Variants in DIAPH2 observed in about 807,000 individuals in gnomAD.
DIAPH2 encodes the protein protein diaphanous homolog 2.
In DIAPH2, 35 loss-of-function variants were observed where a neutral mutation model predicts 92.7. That is an observed-to-expected ratio of 0.38 (90% CI 0.29 to 0.50). The LOEUF (loss-of-function observed/expected upper bound fraction) is 0.50. Among genes scored for constraint, DIAPH2 ranks in the 20% least tolerant of loss-of-function variants. The pLI is 0.94. For missense variants in DIAPH2, 701 were observed against 819.5 expected (o/e 0.86, Z 1.77); for synonymous variants, 301 against 280.4 (o/e 1.07, Z -0.73).
intron 4 of DIAPH2, among the ~76,000 whole-genome samples, chrX:96,794,638 C>G (rs1043227505): frequency 9.0e-6 from 1 of 111,548 alleles, no homozygotes; most frequent in Non-Finnish European, 1.9e-5. Context: ...AAAGATAACT[C>G]TATCCTGTGA....
At chrX:97,418,421 A>G (rs1361917834) in intron 25 of DIAPH2, among the ~76,000 whole-genome samples, 1 of 111,795 alleles carries the variant, frequency 8.9e-6, no homozygotes, top group Non-Finnish European at 1.9e-5. Flanking sequence ...CTCATGTGTC[A>G]CTTGTGTTAC....
chrX:97,130,208 C>A (rs989934643), intron 21 of DIAPH2, among the ~76,000 whole-genome samples: 1 of 111,896 alleles, frequency 8.9e-6, no homozygotes, highest in Non-Finnish European at 1.9e-5. Flanking sequence ...GCAGTTACTA[C>A]AAAAATTAAA....
rs1446639142 is a variant in DIAPH2, at chrX:96,836,689, A to G, written c.448-44890A>G. 2.2e-4 allele frequency among the ~76,000 whole-genome samples: 4 copies of G among 18,470 alleles called. 1 individual carries two copies. The highest frequency in any genetic ancestry group is 2.4e-4 in the Non-Finnish European group (3 of 12,640). The allele number at this position is 18,470 out of a possible 115,157, so 16.0% of individuals were successfully genotyped here. On this transcript the variant is annotated intron_variant, in intron 4 of 26. Coordinates refer to ENST00000324765, the MANE Select transcript of DIAPH2 (RefSeq NM_006729.5). ...TTTCATTTTAAAGCAGTACAGGTAT[A>G]TATATATATATATATATATATATAT...
intron 24 of DIAPH2, among the ~76,000 whole-genome samples, chrX:97,361,070 T>C (rs1757174786): frequency 1.9e-5 from 2 of 106,221 alleles, no homozygotes; most frequent in South Asian, 8.8e-4. Flanking sequence ...TTTTTTTTCT[T>C]TTTTAGAGAC....
At chrX:96,737,510 T>C (rs374674802) in intron 2 of DIAPH2, among the ~76,000 whole-genome samples, 3 of 111,731 alleles carry the variant, frequency 2.7e-5, no homozygotes, top group East Asian at 5.6e-4. Flanking sequence ...GCTTGTTTAA[T>C]GTGAGCTTGA....
chrX:97,255,396 A>G (rs1269839059), intron 23 of DIAPH2, among the ~76,000 whole-genome samples: 1 of 111,848 alleles, frequency 8.9e-6, no homozygotes, highest in Non-Finnish European at 1.9e-5. Flanking sequence ...ATAACATTTT[A>G]ATACTTTGAT....
Position 96,942,061 on chromosome X carries a change from G to T in DIAPH2, c.1369G>T (p.Val457Leu). Residue 457 changes from valine (V) to leucine (L), a missense_variant, in exon 13 of 27, where the codon GTG becomes TTG. By Grantham distance (32) the Val-to-Leu change is conservative. Around this residue, in one of 3 missense-constraint regions of DIAPH2, gnomAD observed 536 missense variants for 599.3 expected, o/e 0.89. Transcript: ENST00000324765. ...KIIEECVSQI[V>L]LHCSGMDPDF... ...AATTGAGGAATGTGTTTCACAGATA[G>T]TGCTACACTGCAGTGGTATGGATCC... The T allele has an allele frequency of 8.4e-7, 1 of 1,197,507 alleles. No homozygotes were observed. The highest frequency in any genetic ancestry group is 1.1e-6 in the Non-Finnish European group (1 of 883,258).
intron 23 of DIAPH2, among the ~76,000 whole-genome samples, chrX:97,281,580 TA>T (rs2147600624): frequency 9.1e-6 from 1 of 109,998 alleles, no homozygotes; most frequent in East Asian, 2.8e-4. Flanking sequence ...CCGTCTCTAC[TA>T]AAAATACAAA....
chrX:97,298,576 T>C (rs1006819302), intron 23 of DIAPH2, among the ~76,000 whole-genome samples: 2 of 109,648 alleles, frequency 1.8e-5, no homozygotes, highest in African/African-American at 6.6e-5. Context: ...ATATATGTGT[T>C]TTTTTCACAT....
chrX:97,445,606 G>GTT (rs756529412), intron 26 of DIAPH2, among the ~76,000 whole-genome samples: 4 of 97,540 alleles, frequency 4.1e-5, no homozygotes, highest in African/African-American at 3.7e-5. Context: ...GTTTTTTGTT[G>GTT]TTTTTTTTTT....
At chrX:96,955,879 G>A (rs1004824122) in intron 15 of DIAPH2, among the ~76,000 whole-genome samples, 2 of 112,575 alleles carry the variant, frequency 1.8e-5, no homozygotes, top group Admixed American at 1.9e-4. Flanking sequence ...TTGGTGTTGC[G>A]TGTTTGTGGC....
At chrX:97,381,717 C>T (rs2069551558) in intron 24 of DIAPH2, among the ~76,000 whole-genome samples, 1 of 111,340 alleles carries the variant, frequency 9.0e-6, no homozygotes, top group Non-Finnish European at 1.9e-5. Flanking sequence ...TGTCACTTAG[C>T]CTACCTGAAC....
At chrX:97,158,847 C>A (rs1322553011) in intron 22 of DIAPH2, among the ~76,000 whole-genome samples, 1 of 111,812 alleles carries the variant, frequency 8.9e-6, no homozygotes, top group Non-Finnish European at 1.9e-5. Flanking sequence ...ACTGAAATAT[C>A]ATTTATTTCA....
intron 22 of DIAPH2, among the ~76,000 whole-genome samples, chrX:97,224,029 G>A (rs2067946727): frequency 9.0e-6 from 1 of 111,540 alleles, no homozygotes; most frequent in Admixed American, 9.5e-5. Flanking sequence ...GATAGCACAT[G>A]ATGCTGTTTA....
chrX:97,246,937 A>AT (rs1171690090), intron 22 of DIAPH2, among the ~76,000 whole-genome samples: 2 of 112,015 alleles, frequency 1.8e-5, no homozygotes, highest in African/African-American at 6.5e-5. Context: ...TAGAGTATCT[A>AT]TAAAATAGTT....
At chrX:96,785,320 C>G (rs2064446751) in intron 4 of DIAPH2, among the ~76,000 whole-genome samples, 1 of 110,163 alleles carries the variant, frequency 9.1e-6, no homozygotes, top group Non-Finnish European at 1.9e-5. Context: ...AATGTATTTT[C>G]TCACAGTTCT....
chrX:97,254,111 AT>A (rs1381344358), intron 23 of DIAPH2, among the ~76,000 whole-genome samples: 1 of 111,655 alleles, frequency 9.0e-6, no homozygotes, highest in Admixed American at 9.5e-5. Flanking sequence ...AGGGTGGAGG[AT>A]TTTTGCTAAA....
intron 22 of DIAPH2, among the ~76,000 whole-genome samples, chrX:97,160,780 A>G (rs1034237177): frequency 1.8e-5 from 2 of 111,854 alleles, no homozygotes; most frequent in Admixed American, 1.9e-4. Context: ...TTAATAATTT[A>G]TAATTTTGAT....
intron 20 of DIAPH2, among the ~76,000 whole-genome samples, chrX:97,112,140 G>C (rs1412983303): frequency 9.0e-6 from 1 of 111,651 alleles, no homozygotes; most frequent in Non-Finnish European, 1.9e-5. Flanking sequence ...ACATGGAAAG[G>C]ATAAGAATAT....
Sources: gnomAD v4.1 joint callset for allele counts (sites outside exome capture counted in the v4.1 genomes callset) on GRCh38, gnomAD v4.1.1 for gene constraint, gnomAD v4.1.1 regional missense constraint, MANE v1.5 for transcripts, NCBI Gene and HGNC (gene_info 2026-07-23, HGNC 2026-07-21) for gene names.